The following TMEM181 variants were observed in gnomAD, a reference collection of about 807,000 sequenced individuals.
TMEM181 encodes transmembrane protein 181.
Under a neutral mutation model 71.9 loss-of-function variants are expected in TMEM181, and 39 were observed. The ratio of observed to expected loss-of-function variants is 0.54; its 90% confidence interval spans 0.42 to 0.71. The LOEUF is 0.71. TMEM181 is among the 30% of genes least tolerant of loss of function. The pLI is 0.00. For synonymous variants in TMEM181, 245 were observed against 228.8 expected (o/e 1.07, Z -0.64); for missense variants, 595 against 583.0 (o/e 1.02, Z -0.21).
At chr6:158,623,052 C>CAT (rs1444539718) in intron 10 of TMEM181, among the ~76,000 whole-genome samples, 1 of 152,196 alleles carries the variant, frequency 6.6e-6, no homozygotes, top group Non-Finnish European at 1.5e-5. Flanking sequence ...CGGAGCCCAG[C>CAT]ATGCCTAGTT....
chr6:158,622,086 C>T (rs1240898161), intron 10 of TMEM181, among the ~76,000 whole-genome samples: 1 of 152,192 alleles, frequency 6.6e-6, no homozygotes, highest in Non-Finnish European at 1.5e-5. Context: ...GGGCCGCCCA[C>T]ACTGTTCTGC....
intron 8 of TMEM181, 50 bp downstream of exon 8, chr6:158,607,393 C>T (rs564143201): frequency 1.5e-5 from 24 of 1,556,334 alleles, no homozygotes; most frequent in Non-Finnish European, 1.9e-5. Context: ...AAATGTAAAG[C>T]TGGAGGCCAG....
chr6:158,540,492 C>A (rs1781301233), intron 1 of TMEM181, among the ~76,000 whole-genome samples: 1 of 152,274 alleles, frequency 6.6e-6, no homozygotes, highest in African/African-American at 2.4e-5. Flanking sequence ...GTAGAATGGA[C>A]AAAGGTAGCA....
upstream of TMEM181, among the ~76,000 whole-genome samples, chr6:158,559,335 T>C (rs952388690): frequency 6.6e-5 from 10 of 152,248 alleles, no homozygotes; most frequent in Non-Finnish European, 4.4e-5. Flanking sequence ...CTGCCAATAG[T>C]AAGCCTGTTT....
At chr6:158,588,917 G>A (rs1424285895) in intron 5 of TMEM181, among the ~76,000 whole-genome samples, 1 of 152,236 alleles carries the variant, frequency 6.6e-6, no homozygotes, top group Non-Finnish European at 1.5e-5. Context: ...CATTCCGAAA[G>A]GCAGGGCCGG....
At chr6:158,589,804 A>G (rs1181612127) in intron 6 of TMEM181, 22 bp downstream of exon 6, 1 of 1,506,478 alleles carries the variant, frequency 6.6e-7, no homozygotes. Context: ...AGCTGACTGC[A>G]CGTTTCCATG....
chr6:158,610,566 G>T, intron 10 of TMEM181: 1 of 438,030 alleles, frequency 2.3e-6, no homozygotes, highest in South Asian at 7.9e-5. Context: ...CCTCCACAAG[G>T]ACACAGAGGC....
intron 8 of TMEM181, among the ~76,000 whole-genome samples, chr6:158,607,962 G>A (rs1259950737): frequency 6.6e-6 from 1 of 152,258 alleles, no homozygotes; most frequent in Non-Finnish European, 1.5e-5. Flanking sequence ...CCGAGCTGCC[G>A]CAGTCGGAAC....
At chr6:158,619,867 CAAA>C (rs61626531) in intron 10 of TMEM181, among the ~76,000 whole-genome samples, 6 of 67,702 alleles carry the variant, frequency 8.9e-5, no homozygotes, top group Admixed American at 1.6e-4. Flanking sequence ...GACTCCGTCT[CAAA>C]AAAAAAAAAA....
At chr6:158,577,103 G>GTA (rs1783206105) in intron 2 of TMEM181, among the ~76,000 whole-genome samples, 1 of 147,424 alleles carries the variant, frequency 6.8e-6, no homozygotes, top group African/African-American at 2.5e-5. Flanking sequence ...AAACAATGAA[G>GTA]TATGACCCAT....
intron 5 of TMEM181, among the ~76,000 whole-genome samples, chr6:158,588,373 T>C (rs551763843): frequency 6.8e-4 from 104 of 152,334 alleles, no homozygotes; most frequent in African/African-American, 2.4e-3. Context: ...CCCCTTGCCT[T>C]AGGTCAGCAC....
chr6:158,596,174 C>G (rs1297587391), intron 6 of TMEM181, among the ~76,000 whole-genome samples: 2 of 152,198 alleles, frequency 1.3e-5, no homozygotes, highest in Non-Finnish European at 2.9e-5. Flanking sequence ...CCCGCCTAGT[C>G]TCCCAAAGTG....
At chr6:158,611,728 A>G (rs1322709255) in intron 10 of TMEM181, 1 of 237,634 alleles carries the variant, frequency 4.2e-6, no homozygotes. Flanking sequence ...TAAGAGTTAA[A>G]GAAAGGAAAG....
At chr6:158,564,833 G>A (rs1404404542) in intron 1 of TMEM181, among the ~76,000 whole-genome samples, 1 of 152,212 alleles carries the variant, frequency 6.6e-6, no homozygotes, top group African/African-American at 2.4e-5. Flanking sequence ...TTTTTATACA[G>A]ATTGGAAAAA....
intron 6 of TMEM181, among the ~76,000 whole-genome samples, chr6:158,603,745 AT>A (rs1220395758): frequency 6.6e-6 from 1 of 151,710 alleles, no homozygotes; most frequent in African/African-American, 2.4e-5. Context: ...TTATCTGCTA[AT>A]TTTGTCATCT....
chr6:158,625,104 G>A lies in TMEM181; in HGVS notation c.955G>A (p.Gly319Arg). Residue 319 changes from glycine (G) to arginine (R), a missense_variant and splice_region_variant, in exon 12 of 17, where the codon GGA (glycine) becomes AGA (arginine). Coordinates refer to ENST00000684151, the MANE Select transcript of TMEM181 (RefSeq NM_001376852.1). ...QYRVDTGNFQ[G>R]MKVFFMVVAA... ...CAAGTGCTGCCTTGTGTCCTCCTAG[G>A]GAATGAAGGTCTTCTTCATGGTGGT... The A allele has an allele frequency of 1.2e-6, 2 of 1,611,962 alleles. No homozygotes were observed. The highest frequency in any genetic ancestry group is 4.5e-5 in the East Asian group (2 of 44,882).
intron 13 of TMEM181, chr6:158,628,188 T>C (rs1370564844): frequency 2.9e-6 from 2 of 686,972 alleles, no homozygotes; most frequent in Non-Finnish European, 5.3e-6. Context: ...CCGGTGGGTC[T>C]AGCCCACCTA....
At chr6:158,601,878 ATT>A (rs1350951376) in intron 6 of TMEM181, among the ~76,000 whole-genome samples, 1 of 152,162 alleles carries the variant, frequency 6.6e-6, no homozygotes, top group African/African-American at 2.4e-5. Flanking sequence ...TTGCCCAACT[ATT>A]AATGGCAGGA....
intron 1 of TMEM181, among the ~76,000 whole-genome samples, chr6:158,538,307 T>C (rs1193829419): frequency 4.6e-5 from 7 of 151,898 alleles, no homozygotes; most frequent in Admixed American, 1.3e-4. Flanking sequence ...CACAGGCCTG[T>C]GCCCCATCAC....
Sources: allele counts gnomAD v4.1 joint callset (sites outside exome capture counted in the v4.1 genomes callset), GRCh38; gene constraint gnomAD v4.1.1; transcripts MANE v1.5; gene names NCBI Gene and HGNC (gene_info 2026-07-23, HGNC 2026-07-21).